The following CUEDC1 variants were observed in gnomAD, a reference collection of about 807,000 sequenced individuals.
The protein encoded by CUEDC1 is CUE domain-containing protein 1.
Under a neutral mutation model 43.7 loss-of-function variants are expected in CUEDC1, and 30 were observed. The ratio of observed to expected loss-of-function variants is 0.69; its 90% CI spans 0.51 to 0.93. CUEDC1 has a LOEUF of 0.93. Ranked by LOEUF, CUEDC1 falls within the 40% of genes least tolerant of loss-of-function variation. The pLI is 0.00. For missense variants in CUEDC1, 486 were observed against 549.0 expected, an observed-to-expected ratio of 0.89 and a Z score of 1.15; for synonymous variants, 223 against 223.6, an observed-to-expected ratio of 1.00 and a Z score of 0.02.
At chr17:57,920,957 T>C (rs187213023) in intron 1 of CUEDC1, among the ~76,000 whole-genome samples, 1 of 152,218 alleles carries the variant, frequency 6.6e-6, no homozygotes, top group East Asian at 1.9e-4. Context: ...ATAAACAGAG[T>C]ATAGTTGTAT....
In CUEDC1 at chr17:57,952,705, G is replaced by T. The variant is rs188380082; in HGVS notation, c.-316+2520C>A. On this transcript the variant is annotated intron_variant, in intron 1 of 10. Coordinates refer to ENST00000577830, the MANE Select transcript of CUEDC1 (RefSeq NM_001271875.2). ...CTGCTTATTACCAGAGCAAATGTAG[G>T]AAGCTCTAAAGGAAGAATACCAGTG... Among the ~76,000 whole-genome samples the T allele has an allele frequency of 3.9e-5, 6 of 152,290 alleles. No homozygotes were observed. In the East Asian group the frequency reaches 1.2e-3, roughly 29 times the overall value.
At chr17:57,892,347 T>G (rs1035910788) in intron 1 of CUEDC1, among the ~76,000 whole-genome samples, 4 of 152,122 alleles carry the variant, frequency 2.6e-5, no homozygotes, top group Non-Finnish European at 5.9e-5. Context: ...CTCCTAGATC[T>G]GACTTGACCT....
intron 1 of CUEDC1, among the ~76,000 whole-genome samples, chr17:57,953,379 T>C (rs567751315): frequency 2.2e-4 from 33 of 152,292 alleles, no homozygotes; most frequent in African/African-American, 7.9e-4. Context: ...AGCTGGGATC[T>C]GTCCAGACAC....
chr17:57,937,679 T>C (rs1314958369), intron 1 of CUEDC1, among the ~76,000 whole-genome samples: 1 of 150,822 alleles, frequency 6.6e-6, no homozygotes, highest in Non-Finnish European at 1.5e-5. Flanking sequence ...GCCTATAATC[T>C]CAACACTTTA....
chr17:57,891,446 T>A (rs1283588646), intron 1 of CUEDC1, among the ~76,000 whole-genome samples: 6 of 152,130 alleles, frequency 3.9e-5, no homozygotes, highest in Non-Finnish European at 8.8e-5. Context: ...ACAGCTACCA[T>A]ACCCTCCCTA....
At chr17:57,889,144 G>A (rs1302619386) in intron 1 of CUEDC1, among the ~76,000 whole-genome samples, 1 of 152,202 alleles carries the variant, frequency 6.6e-6, no homozygotes, top group Non-Finnish European at 1.5e-5. Context: ...GTGGCCCTAA[G>A]CCCTCATCTG....
chr17:57,904,858 T>C (rs2076951456), intron 1 of CUEDC1, among the ~76,000 whole-genome samples: 3 of 152,090 alleles, frequency 2.0e-5, no homozygotes, highest in Non-Finnish European at 1.5e-5. Context: ...ACCTGCTCCA[T>C]CCGTGCTGGG....
intron 3 of CUEDC1, among the ~76,000 whole-genome samples, chr17:57,875,704 G>T (rs1339606568): frequency 6.6e-6 from 1 of 152,008 alleles, no homozygotes; most frequent in Non-Finnish European, 1.5e-5. Context: ...CTGGGGGAGG[G>T]GAAGGAGGGA....
intron 1 of CUEDC1, among the ~76,000 whole-genome samples, chr17:57,916,732 C>T (rs1332906299): frequency 6.6e-6 from 1 of 152,204 alleles, no homozygotes; most frequent in Non-Finnish European, 1.5e-5. Flanking sequence ...GCCCCGCTCT[C>T]GAGAACCAGT....
At chr17:57,929,646 G>A (rs1272232972) in intron 1 of CUEDC1, among the ~76,000 whole-genome samples, 7 of 152,148 alleles carry the variant, frequency 4.6e-5, no homozygotes, top group Non-Finnish European at 8.8e-5. Context: ...AAGGAATAGA[G>A]CATATTGTCC....
At chr17:57,926,808 G>C (rs959607969) in intron 1 of CUEDC1, among the ~76,000 whole-genome samples, 2 of 152,126 alleles carry the variant, frequency 1.3e-5, no homozygotes, top group African/African-American at 2.4e-5. Flanking sequence ...AACCACTCAT[G>C]TATCCACCAT....
In CUEDC1 at chr17:57,885,320, T is replaced by G. The variant is rs778443268; in HGVS notation, c.245A>C (p.Asp82Ala). 6.2e-7 allele frequency: 1 copy of G among 1,611,348 alleles called. No individual in the cohort carries two copies. Among genetic ancestry groups the G allele is most frequent in the Non-Finnish European group, 8.5e-7 (1 of 1,179,410 alleles). Residue 82 changes from aspartate to alanine, a missense_variant, in exon 2 of 11, where the codon GAC becomes GCC. Asp to Ala is a moderately radical substitution (Grantham distance 126, BLOSUM62 -2). Transcript: ENST00000577830. ...ANSGAVDATI[D>A]QLLQMNLEGG... ...CTCCAGGTTCATCTGCAGCAGCTGG[T>G]CGATGGTGGCGTCCACAGCGCCGCT...
intron 10 of CUEDC1, among the ~76,000 whole-genome samples, chr17:57,863,830 G>A (rs570857942): frequency 9.2e-5 from 14 of 151,934 alleles, no homozygotes; most frequent in South Asian, 8.3e-4. Context: ...GTGAAACCCC[G>A]TCTCTACTAA....
intron 3 of CUEDC1, among the ~76,000 whole-genome samples, chr17:57,878,951 G>A (rs1170030330): frequency 6.6e-6 from 1 of 152,180 alleles, no homozygotes; most frequent in East Asian, 1.9e-4. Flanking sequence ...ACAGATGTGA[G>A]CCACTGTGCC....
intron 1 of CUEDC1, among the ~76,000 whole-genome samples, chr17:57,914,589 T>C (rs966445955): frequency 1.3e-5 from 2 of 152,198 alleles, no homozygotes; most frequent in South Asian, 4.1e-4. Context: ...TGGGAGCTCC[T>C]GGAGCTCGAT....
intron 1 of CUEDC1, among the ~76,000 whole-genome samples, chr17:57,891,580 C>G (rs1265780341): frequency 2.0e-5 from 3 of 152,198 alleles, no homozygotes; most frequent in African/African-American, 4.8e-5. Context: ...CGTGGCCAAC[C>G]CACATGGTCC....
At position 57,954,621 on chromosome 17, in the gene CUEDC1, T is replaced by C. The variant is rs1420013245; in HGVS notation, c.-316+604A>G. On this transcript the variant is annotated intron_variant, in intron 1 of 10. Transcript: ENST00000577830. This position sits in a 1 kb window ranked among gnomAD's most constrained non-coding sequence, Gnocchi z 4.3. The stretch of plus-strand genomic sequence containing the variant: ...GGGACAGCGCATTCCCAACTTTCCC[T>C]GGCCGAGCTGACGGGAGATACAGCT... Among the ~76,000 whole-genome samples the C allele has an allele frequency of 2.6e-5, 4 of 151,804 alleles. No homozygotes were observed. Among genetic ancestry groups the C allele is most frequent in the Non-Finnish European group, 5.9e-5 (4 of 67,930 alleles).
chr17:57,924,807 G>C (rs1235883797), intron 1 of CUEDC1, among the ~76,000 whole-genome samples: 1 of 152,218 alleles, frequency 6.6e-6, no homozygotes, highest in African/African-American at 2.4e-5. Context: ...AGTTTGGCAA[G>C]AAGGGTCCTT....
chr17:57,873,525 T>C (rs1222141044), intron 4 of CUEDC1, 66 bp downstream of exon 4: 2 of 1,465,334 alleles, frequency 1.4e-6, no homozygotes, highest in African/African-American at 2.9e-5. Flanking sequence ...CTGGCACAAA[T>C]TGTGTGGGCA....
Sources: allele counts gnomAD v4.1 joint callset (sites outside exome capture counted in the v4.1 genomes callset), GRCh38; gene constraint gnomAD v4.1.1; non-coding constraint Gnocchi (gnomAD v3.1); transcripts MANE v1.5; gene names NCBI Gene and HGNC (gene_info 2026-07-23, HGNC 2026-07-21).